CASK: variants seen among roughly 807,000 people sequenced by gnomAD.
The protein encoded by CASK is calcium/calmodulin dependent serine protein kinase, also known as peripheral plasma membrane protein CASK.
CASK carries 4 observed loss-of-function variants against 82.9 expected under a neutral mutation model. That is an observed-to-expected ratio of 0.05 (90% CI 0.02 to 0.11). CASK has a LOEUF of 0.11. Ranked by LOEUF, CASK falls within the 10% of genes least tolerant of loss-of-function variation. The pLI is 1.00. For synonymous variants in CASK, 259 were observed against 253.5 expected (o/e 1.02, Z -0.20); for missense variants, 358 against 720.9 (o/e 0.50, Z 5.76).
Position 41,515,313 on chromosome X carries a change from G to A in CASK, c.*5107C>T, listed in dbSNP as rs754926901. On this transcript the variant is annotated 3_prime_UTR_variant, in exon 27 of 27. Transcript: ENST00000378163. ...ACCTCCTGCACAAACGCTCTTGCAA[G>A]CTAAGGCTCTGCTGTACCCTGCAAA... is the stretch of plus-strand genomic sequence containing the variant. The A allele has an allele frequency of 1.2e-4, 13 of 112,591 alleles. No homozygotes were observed. The highest frequency in any genetic ancestry group is 2.1e-4 in the Non-Finnish European group (11 of 53,305). 9.3% of individuals were successfully genotyped at this position (112,591 alleles called of 1,213,427 possible).
intron 5 of CASK, among the ~76,000 whole-genome samples, chrX:41,700,873 G>A (rs927579416): frequency 2.3e-5 from 2 of 86,139 alleles, no homozygotes; most frequent in African/African-American, 9.2e-5. Flanking sequence ...GAGCCACCAT[G>A]CCCCACTGAG....
intron 5 of CASK, among the ~76,000 whole-genome samples, chrX:41,709,509 T>G (rs903928335): frequency 9.0e-6 from 1 of 111,707 alleles, no homozygotes; most frequent in African/African-American, 3.2e-5. Flanking sequence ...GTAAAGAATG[T>G]GGGCTCTAAA....
intron 3 of CASK, among the ~76,000 whole-genome samples, chrX:41,763,599 C>T (rs981285311): frequency 9.0e-6 from 1 of 111,472 alleles, no homozygotes; most frequent in Non-Finnish European, 1.9e-5. Context: ...GTGGTCGAGG[C>T]TGCAGTGAGC....
At chrX:41,539,115 G>A (rs1307262475) in intron 22 of CASK, among the ~76,000 whole-genome samples, 1 of 112,110 alleles carries the variant, frequency 8.9e-6, no homozygotes. Flanking sequence ...TAAACACTGT[G>A]TGTGTGGGAG....
chrX:41,593,464 G>C, intron 12 of CASK, among the ~76,000 whole-genome samples: 1 of 111,758 alleles, frequency 8.9e-6, no homozygotes. Context: ...TAGGGATACA[G>C]AGATGAAAAA....
At chrX:41,599,211 T>C (rs780681280) in intron 12 of CASK, among the ~76,000 whole-genome samples, 1 of 111,926 alleles carries the variant, frequency 8.9e-6, no homozygotes, top group East Asian at 2.8e-4. Context: ...AGAAGAATGT[T>C]CCTGGATGCT....
chrX:41,721,569 C>CATG (rs1198141228), intron 5 of CASK, among the ~76,000 whole-genome samples: 1 of 111,869 alleles, frequency 8.9e-6, no homozygotes, highest in Non-Finnish European at 1.9e-5. Flanking sequence ...ATACTTAAAA[C>CATG]ATGACCCTAT....
intron 2 of CASK, among the ~76,000 whole-genome samples, chrX:41,789,990 C>T (rs1166927980): frequency 2.7e-5 from 3 of 111,512 alleles, no homozygotes; most frequent in Admixed American, 9.6e-5. Context: ...AGTGCAGTGG[C>T]GTGATCATGG....
At chrX:41,667,105 T>C (rs1347695722) in intron 6 of CASK, among the ~76,000 whole-genome samples, 2 of 111,735 alleles carry the variant, frequency 1.8e-5, no homozygotes, top group Non-Finnish European at 1.9e-5. Flanking sequence ...AGAGCGACCA[T>C]GGCCAGTCCC....
chrX:41,756,704 C>A (rs774483761), intron 3 of CASK, among the ~76,000 whole-genome samples: 32 of 112,355 alleles, frequency 2.8e-4, no homozygotes, highest in Non-Finnish European at 5.4e-4. Context: ...AATGTTTACA[C>A]GAGAAGTCTA....
intron 11 of CASK, among the ~76,000 whole-genome samples, chrX:41,615,481 A>G (rs2066178269): frequency 8.9e-6 from 1 of 112,049 alleles, no homozygotes; most frequent in African/African-American, 3.3e-5. Context: ...TTATCAAGTT[A>G]CTAAAGCCAG....
At chrX:41,571,534 G>GT (rs1022506160) in intron 15 of CASK, among the ~76,000 whole-genome samples, 7 of 110,786 alleles carry the variant, frequency 6.3e-5, no homozygotes, top group Non-Finnish European at 1.1e-4. Flanking sequence ...GGTAATTCAT[G>GT]TTTTTTTTCC....
intron 10 of CASK, among the ~76,000 whole-genome samples, chrX:41,625,418 CCT>C (rs2066352584): frequency 9.0e-6 from 1 of 110,772 alleles, no homozygotes; most frequent in African/African-American, 3.3e-5. Flanking sequence ...GATCTCCTGA[CCT>C]CATCATCTGC....
At chrX:41,733,434 T>C (rs1303748620) in intron 5 of CASK, among the ~76,000 whole-genome samples, 1 of 111,435 alleles carries the variant, frequency 9.0e-6, no homozygotes, top group African/African-American at 3.3e-5. Context: ...ATGCAGAAGA[T>C]TAACCAATGT....
At chrX:41,578,680 C>T in intron 14 of CASK, 152 bp from the exon 15 acceptor site, 1 of 443,546 alleles carries the variant, frequency 2.3e-6, no homozygotes, top group Non-Finnish European at 3.8e-6. Flanking sequence ...GCTTCATCTC[C>T]TGGGCTCAAG....
At chrX:41,821,751 C>A (rs372298717) in intron 2 of CASK, among the ~76,000 whole-genome samples, 4 of 112,293 alleles carry the variant, frequency 3.6e-5, no homozygotes, top group African/African-American at 9.7e-5. Flanking sequence ...AATCTCAATA[C>A]CATTATTCTG....
At chrX:41,544,954 T>C (rs189432352) in intron 21 of CASK, among the ~76,000 whole-genome samples, 28 of 111,624 alleles carry the variant, frequency 2.5e-4, no homozygotes, top group African/African-American at 8.8e-4. Flanking sequence ...CCAGAAGATA[T>C]TCTCCAATAT....
rs112316402 is a variant in CASK at position 41,622,048 on chromosome X, T to C, written c.1033+569A>G. On this transcript the variant is annotated intron_variant, in intron 11 of 26. Coordinates refer to ENST00000378163, the MANE Select transcript of CASK (RefSeq NM_001367721.1). ...ATGTACTCAACTGTGTGTACATTTC[T>C]TACATTTTAATTTTCTCCCAAACTC... 3.5e-3 allele frequency among the ~76,000 whole-genome samples: 390 copies of C among 112,410 alleles called. 3 individuals are homozygous for C. The highest frequency in any genetic ancestry group is 4.9e-3 in the Non-Finnish European group (261 of 53,311).
Position 41,626,662 on chromosome X carries a change from T to C in CASK, c.957A>G (p.Ser319=). ...ACTCTTCAGGGGGATCCCCATAGAA[T>C]GAGTTGAATTTGTGACTTGACACAG... The part of the protein sequence containing the change: ...LAAVSSHKFN[S]FYGDPPEELP... The change falls in exon 10 of 27, where the codon TCA becomes TCG. Residue 319 remains serine, a synonymous_variant. Transcript: ENST00000378163. 8.3e-7 allele frequency: 1 copy of C among 1,206,981 alleles called. No homozygotes were observed. Among genetic ancestry groups the C allele is most frequent in the South Asian group, 1.8e-5 (1 of 56,876 alleles).
Sources: gnomAD v4.1 joint callset for allele counts (sites outside exome capture counted in the v4.1 genomes callset) on GRCh38, gnomAD v4.1.1 for gene constraint, MANE v1.5 for transcripts, NCBI Gene and HGNC (gene_info 2026-07-23, HGNC 2026-07-21) for gene names.